The following CPZ variants were observed in gnomAD, a reference collection of about 807,000 sequenced individuals.
CPZ encodes VEZT/CPZ fusion.
Under a neutral mutation model 61.8 loss-of-function variants are expected in CPZ, and 103 were observed. The observed-to-expected ratio is 1.67, with a 90% CI of 1.42 to 1.96. The LOEUF (loss-of-function observed/expected upper bound fraction) is 1.96. Among genes scored for constraint, CPZ ranks in the 30% most tolerant of loss-of-function variants. CPZ has a pLI of 0.00. For synonymous variants in CPZ, 551 were observed against 373.7 expected (o/e 1.47, Z -5.47); for missense variants, 1,461 against 914.9 (o/e 1.60, Z -7.70).
chr4:8,619,203 C>CA (rs1454486774), intron 10 of CPZ, 59 bp from the exon 11 acceptor site: 8 of 1,442,628 alleles, frequency 5.5e-6, no homozygotes, highest in Admixed American at 2.1e-5. Flanking sequence ...CATCACCCAT[C>CA]ACCCCGTGGC....
intron 7 of CPZ, among the ~76,000 whole-genome samples, chr4:8,609,217 C>CACTCACTCCCTCACTCCCTTACTCATTG (rs1553877680): frequency 5.1e-5 from 7 of 138,162 alleles, no homozygotes; most frequent in African/African-American, 1.8e-4. Flanking sequence ...CTTACTCATT[C>CACTCACTCCCTCACTCCCTTACTCATTG]ACTTACTCAC....
At chr4:8,608,715 A>G (rs1207866601) in intron 7 of CPZ, among the ~76,000 whole-genome samples, 4 of 151,594 alleles carry the variant, frequency 2.6e-5, no homozygotes, top group African/African-American at 7.3e-5. Context: ...CTGGGACTTC[A>G]GGAGGGCTTC....
In CPZ at chr4:8,614,433, C is replaced by T. The variant is rs144878756; in HGVS notation, c.1438C>T (p.Pro480Ser). 28 of 1,613,912 alleles carry T rather than the reference C, an allele frequency of 1.7e-5. No homozygotes were observed. Among genetic ancestry groups the T allele is most frequent in the Non-Finnish European group, 2.1e-5 (25 of 1,179,980 alleles). ...AGAGCTGGGCTGTGTGAAGTTCCCC[C>T]CCGAGGAGGCCCTGTACATACTCTG... ...TVELGCVKFPPEEALYILWQH... is the reference protein window; with the variant it reads ...TVELGCVKFPSEEALYILWQH... The change falls in exon 9 of 11, where the codon CCC becomes TCC. Residue 480 changes from proline (P) to serine (S), a missense_variant. Coordinates refer to ENST00000360986, the MANE Select transcript of CPZ (RefSeq NM_001014447.3).
Position 8,606,124 on chromosome 4 carries a change from C to G in CPZ, c.845C>G (p.Thr282Ser). 6.2e-7 allele frequency: 1 copy of G among 1,614,050 alleles called. No individual in the cohort carries two copies. The highest frequency in any genetic ancestry group is 8.5e-7 in the Non-Finnish European group (1 of 1,179,902). ...GNPRIQRLLNTTRIHLLPSMN... is the reference protein window; with the variant it reads ...GNPRIQRLLNSTRIHLLPSMN... ...CCCCGCATCCAGCGCCTGCTCAACACCACCCGCATCCACCTGCTGCCCTCC... is the reference window on the plus strand; with the variant it reads ...CCCCGCATCCAGCGCCTGCTCAACAGCACCCGCATCCACCTGCTGCCCTCC... Residue 282 changes from threonine to serine, a missense_variant, in exon 5 of 11, where the codon ACC becomes AGC. Physicochemically the swap from Thr to Ser is moderately conservative, Grantham distance 58. Coordinates refer to ENST00000360986, the MANE Select transcript of CPZ (RefSeq NM_001014447.3).
At chr4:8,600,402 G>C (rs1244273168) in intron 2 of CPZ, among the ~76,000 whole-genome samples, 1 of 152,216 alleles carries the variant, frequency 6.6e-6, no homozygotes, top group African/African-American at 2.4e-5. Flanking sequence ...GTCCAGCTGA[G>C]GAAAAGAGGA....
intron 3 of CPZ, 45 bp downstream of exon 3, chr4:8,601,542 G>A (rs1055048220): frequency 1.5e-5 from 21 of 1,422,218 alleles, no homozygotes; most frequent in Non-Finnish European, 1.9e-5. Flanking sequence ...GGGTCCAGGT[G>A]GTCAAGGAGG....
intron 2 of CPZ, chr4:8,599,756 C>T: frequency 1.6e-6 from 1 of 630,026 alleles, no homozygotes; most frequent in Non-Finnish European, 2.5e-6. Context: ...CTCCAGTCCC[C>T]ACTGCAGTCA....
At chr4:8,602,838 G>A (rs756512087) in intron 3 of CPZ, 5 of 152,258 alleles carry the variant, frequency 3.3e-5, no homozygotes, top group African/African-American at 9.6e-5. Flanking sequence ...AACCTGGCAT[G>A]TCTTGCAGCC....
At chr4:8,595,021 C>T (rs1455932607) in intron 1 of CPZ, among the ~76,000 whole-genome samples, 1 of 152,236 alleles carries the variant, frequency 6.6e-6, no homozygotes, top group Non-Finnish European at 1.5e-5. Flanking sequence ...ATCCACCCGC[C>T]TTGGCCTCCC....
chr4:8,616,215 C>A (rs1716144533), intron 9 of CPZ, among the ~76,000 whole-genome samples: 1 of 152,126 alleles, frequency 6.6e-6, no homozygotes, highest in Admixed American at 6.5e-5. Flanking sequence ...CCTGTCGTGG[C>A]CAATTGAGGC....
At chr4:8,618,791 C>A (rs1237064255) in intron 10 of CPZ, among the ~76,000 whole-genome samples, 1 of 152,220 alleles carries the variant, frequency 6.6e-6, no homozygotes, top group Non-Finnish European at 1.5e-5. Flanking sequence ...AAAATGCCGC[C>A]TCCTCCAACA....
intron 7 of CPZ, among the ~76,000 whole-genome samples, chr4:8,607,951 T>C (rs1715184794): frequency 1.3e-5 from 2 of 152,148 alleles, no homozygotes; most frequent in African/African-American, 4.8e-5. Flanking sequence ...TTTCCGGGCC[T>C]CAGTTTCTCC....
chr4:8,612,043 C>A lies in CPZ; in HGVS notation c.1244C>A (p.Ser415Tyr). The part of the protein sequence containing the change: ...TPDEKMFKLL[S>Y]RAYADVHPMM... The stretch of plus-strand genomic sequence containing the variant: ...CTTTTCCAGATGTTCAAGCTGCTGT[C>A]CAGAGCCTACGCTGACGTCCACCCC... The change falls in exon 8 of 11, where the codon TCC (serine) becomes TAC (tyrosine). Residue 415 changes from serine to tyrosine, a missense_variant. Physicochemically the swap from Ser to Tyr is moderately radical, Grantham distance 144. Transcript: ENST00000360986. 6.2e-7 allele frequency: 1 copy of A among 1,613,996 alleles called. No individual in the cohort carries two copies. Among genetic ancestry groups the A allele is most frequent in the Non-Finnish European group, 8.5e-7 (1 of 1,180,024 alleles).
At chr4:8,611,018 ACTCATTCC>A (rs369344620) in intron 7 of CPZ, 14,948 of 352,818 alleles carry the variant, frequency 0.042, 431 homozygotes, top group Non-Finnish European at 0.057. Context: ...TCACTCATTC[ACTCATTCC>A]CTCACTCTTT....
chr4:8,599,922 G>A (rs1413249612), intron 2 of CPZ: 1 of 189,746 alleles, frequency 5.3e-6, no homozygotes, highest in Non-Finnish European at 1.1e-5. Flanking sequence ...CTTGTGAGAT[G>A]GTTTCAAAAG....
In CPZ at chr4:8,612,059, C is replaced by A; in HGVS notation, c.1260C>A (p.Asp420Glu). 6.2e-7 allele frequency: 1 copy of A among 1,613,900 alleles called. No individual in the cohort carries two copies. Among genetic ancestry groups the A allele is most frequent in the Non-Finnish European group, 8.5e-7 (1 of 1,180,002 alleles). The change falls in exon 8 of 11, where the codon GAC (aspartate) becomes GAA (glutamate). Residue 420 changes from aspartate to glutamate, a missense_variant. By Grantham distance (45) the Asp-to-Glu change is conservative. Coordinates refer to ENST00000360986, the MANE Select transcript of CPZ (RefSeq NM_001014447.3). ...AGCTGCTGTCCAGAGCCTACGCTGACGTCCACCCCATGATGATGGACAGGT... is the reference window on the plus strand; with the variant it reads ...AGCTGCTGTCCAGAGCCTACGCTGAAGTCCACCCCATGATGATGGACAGGT... ...MFKLLSRAYA[D>E]VHPMMMDRSE...
At chr4:8,612,662 T>C (rs1022700810) in intron 8 of CPZ, among the ~76,000 whole-genome samples, 1 of 152,200 alleles carries the variant, frequency 6.6e-6, no homozygotes, top group African/African-American at 2.4e-5. Context: ...ATCTGCTAAA[T>C]TTGCCCTTGG....
intron 7 of CPZ, among the ~76,000 whole-genome samples, chr4:8,609,205 C>T (rs1359907834): frequency 9.6e-6 from 1 of 104,234 alleles, no homozygotes; most frequent in African/African-American, 3.2e-5. Context: ...CTCCCTCACT[C>T]ACTTACTCAT....
chr4:8,618,649 T>C, intron 10 of CPZ, 121 bp downstream of exon 10: 2 of 892,452 alleles, frequency 2.2e-6, no homozygotes, highest in Non-Finnish European at 3.5e-6. Context: ...GCTCCATTCC[T>C]CCCCAGGCTG....
Sources: gnomAD v4.1 joint callset for allele counts (sites outside exome capture counted in the v4.1 genomes callset) on GRCh38, gnomAD v4.1.1 for gene constraint, MANE v1.5 for transcripts, NCBI Gene and HGNC (gene_info 2026-07-23, HGNC 2026-07-21) for gene names.